DYNC2H1: variants seen among roughly 807,000 people sequenced by gnomAD.
The protein encoded by DYNC2H1 is dynein cytoplasmic 2 heavy chain 1.
A neutral mutation model predicts 570.0 loss-of-function variants in DYNC2H1; 410 were observed. The ratio of observed to expected loss-of-function variants is 0.72; its 90% CI spans 0.66 to 0.78. DYNC2H1 has a LOEUF of 0.78. Ranked by LOEUF, DYNC2H1 falls within the 30% of genes least tolerant of loss-of-function variation. DYNC2H1 has a pLI of 0.00. For missense variants in DYNC2H1, 4,865 were observed against 5,046.4 expected (o/e 0.96, Z 1.09); for synonymous variants, 1,688 against 1,677.6 (o/e 1.01, Z -0.15).
intron 79 of DYNC2H1, among the ~76,000 whole-genome samples, chr11:103,313,042 C>T (rs917727848): frequency 6.6e-6 from 1 of 152,194 alleles, no homozygotes; most frequent in Non-Finnish European, 1.5e-5. Flanking sequence ...ATTTGTCTTC[C>T]AACTGTTCTT....
At chr11:103,141,022 T>C (rs1341014914) in intron 17 of DYNC2H1, among the ~76,000 whole-genome samples, 2 of 152,232 alleles carry the variant, frequency 1.3e-5, no homozygotes, top group African/African-American at 2.4e-5. Context: ...TCTGCATTCT[T>C]CACGTAGTTC....
intron 70 of DYNC2H1, among the ~76,000 whole-genome samples, chr11:103,278,994 G>A (rs748729967): frequency 6.6e-5 from 10 of 152,230 alleles, no homozygotes; most frequent in Non-Finnish European, 1.3e-4. Context: ...GGAGAGTAGA[G>A]TTAGTATACT....
At chr11:103,297,186 CA>C (rs961047102) in intron 75 of DYNC2H1, among the ~76,000 whole-genome samples, 2 of 151,922 alleles carry the variant, frequency 1.3e-5, no homozygotes, top group African/African-American at 4.8e-5. Flanking sequence ...TTAAAAACAT[CA>C]AAAATAAATG....
chr11:103,328,036 A>G (rs1339731293), intron 82 of DYNC2H1, among the ~76,000 whole-genome samples: 1 of 152,184 alleles, frequency 6.6e-6, no homozygotes, highest in East Asian at 1.9e-4. Flanking sequence ...TCCTGATTCA[A>G]CCCAGACTTC....
intron 85 of DYNC2H1, among the ~76,000 whole-genome samples, chr11:103,442,867 C>G (rs1944311899): frequency 6.6e-6 from 1 of 151,868 alleles, no homozygotes; most frequent in Admixed American, 6.6e-5. Flanking sequence ...GTCCAGCAAA[C>G]AATTTTTCCC....
chr11:103,422,491 G>A (rs970991631), intron 84 of DYNC2H1, among the ~76,000 whole-genome samples: 28 of 151,956 alleles, frequency 1.8e-4, no homozygotes, highest in African/African-American at 4.1e-4. Flanking sequence ...CTTATCCACC[G>A]TGATCAAGTT....
In DYNC2H1 at chr11:103,160,942, T is replaced by G; in HGVS notation, c.4389T>G (p.Ser1463Arg). 1 of 1,550,434 alleles carries G rather than the reference T, an allele frequency of 6.4e-7. No individual in the cohort carries two copies. The highest frequency in any genetic ancestry group is 2.3e-5 in the East Asian group (1 of 43,054). The change falls in exon 29 of 89, where the codon AGT (serine) becomes AGG (arginine). Residue 1463 changes from serine to arginine, a missense_variant. Ser to Arg is a moderately radical substitution (Grantham distance 110). Coordinates refer to ENST00000375735, the MANE Select transcript of DYNC2H1 (RefSeq NM_001377.3). ...HLKKLFAGIN[S>R]VCFDEKSKHI... Reference sequence around the variant, plus strand: ...GCTTTTATATTTCAGGTATTAACAGTGTTTGCTTTGATGAGAAATCAAAAC... The same window carrying G: ...GCTTTTATATTTCAGGTATTAACAGGGTTTGCTTTGATGAGAAATCAAAAC...
intron 85 of DYNC2H1, among the ~76,000 whole-genome samples, chr11:103,448,759 T>C (rs1017664746): frequency 3.3e-5 from 5 of 152,190 alleles, no homozygotes; most frequent in Non-Finnish European, 5.9e-5. Flanking sequence ...TTAAGGTTAC[T>C]TAAAAACATG....
chr11:103,159,339 C>T (rs1860980651), intron 28 of DYNC2H1, among the ~76,000 whole-genome samples: 1 of 151,992 alleles, frequency 6.6e-6, no homozygotes, highest in African/African-American at 2.4e-5. Context: ...AATGTATAGG[C>T]CTTAGTTAGA....
At chr11:103,146,187 A>G (rs1178374037) in intron 18 of DYNC2H1, among the ~76,000 whole-genome samples, 4 of 152,222 alleles carry the variant, frequency 2.6e-5, no homozygotes, top group Admixed American at 1.3e-4. Flanking sequence ...AAAGAAAATT[A>G]TATTTTCAAA....
At position 103,245,357 on chromosome 11, in the gene DYNC2H1, G is replaced by A. The variant is rs755136217; in HGVS notation, c.10025G>A (p.Arg3342Gln). Residue 3342 changes from arginine (R) to glutamine (Q), a missense_variant, in exon 65 of 89, where the codon CGA becomes CAA. Physicochemically the swap from Arg to Gln is conservative, Grantham distance 43 (BLOSUM62 1). Coordinates refer to ENST00000375735, the MANE Select transcript of DYNC2H1 (RefSeq NM_001377.3). The surrounding 1 kb of genome is among the most constrained non-coding windows in gnomAD (Gnocchi z 4.5). Reference sequence around the variant, plus strand: ...CCTGTTCTTTATCCATTATTGAGACGAGATCTGGTTGCTCAAGGTAAATAA... The same window carrying A: ...CCTGTTCTTTATCCATTATTGAGACAAGATCTGGTTGCTCAAGGTAAATAA... ...VEPVLYPLLR[R>Q]DLVAQGPRYV... The A allele has an allele frequency of 1.1e-4, 179 of 1,585,942 alleles. No individual in the cohort carries two copies. Among genetic ancestry groups the A allele is most frequent in the Non-Finnish European group, 1.5e-4 (172 of 1,165,608 alleles).
At chr11:103,399,103 C>A (rs1161414906) in intron 83 of DYNC2H1, among the ~76,000 whole-genome samples, 3 of 150,342 alleles carry the variant, frequency 2.0e-5, no homozygotes, top group Non-Finnish European at 3.0e-5. Flanking sequence ...AATGTGGTTT[C>A]CCTTTCACTG....
At chr11:103,152,338 T>A in intron 21 of DYNC2H1, 53 bp downstream of exon 21, 1 of 1,496,204 alleles carries the variant, frequency 6.7e-7, no homozygotes, top group Non-Finnish European at 9.0e-7. Flanking sequence ...TTACTTAAGA[T>A]TTCTTGCTTA....
chr11:103,116,770 C>A, intron 5 of DYNC2H1, 56 bp downstream of exon 5: 1 of 1,496,206 alleles, frequency 6.7e-7, no homozygotes, highest in Middle Eastern at 1.9e-4. Context: ...ATTTTGTTAT[C>A]TTTTTATCCT....
chr11:103,120,862 T>A (rs1054885310), intron 8 of DYNC2H1, 60 bp downstream of exon 8: 134 of 1,131,392 alleles, frequency 1.2e-4, no homozygotes, highest in Non-Finnish European at 1.5e-4. Context: ...TATATAAAAA[T>A]ATATATATAT....
chr11:103,309,209 C>CTGT (rs1318688462), intron 78 of DYNC2H1, among the ~76,000 whole-genome samples: 1 of 63,598 alleles, frequency 1.6e-5, no homozygotes, highest in Non-Finnish European at 3.4e-5. Flanking sequence ...GGGTCTCGCT[C>CTGT]TGTTACCCAG....
In DYNC2H1 at chr11:103,159,099, T is replaced by C. The variant is rs113473879; in HGVS notation, c.4378+72T>C. On this transcript the variant is annotated intron_variant, in intron 28 of 88. Coordinates refer to ENST00000375735, the MANE Select transcript of DYNC2H1 (RefSeq NM_001377.3). ...TCTGCCAGGCCTAATATTATGCTCT[T>C]AGGTAGACTACTGAATACAGCAGTC... 3.1e-5 allele frequency: 37 copies of C among 1,182,998 alleles called. No homozygotes were observed. The African/African-American group carries it at 3.2e-4, about 10-fold the overall frequency. The allele number at this position is 1,182,998 out of a possible 1,614,324, so 73.3% of individuals were successfully genotyped here.
intron 29 of DYNC2H1, among the ~76,000 whole-genome samples, chr11:103,161,665 T>G (rs182526610): frequency 7.1e-4 from 108 of 152,282 alleles, no homozygotes; most frequent in Admixed American, 1.2e-3. Flanking sequence ...AAGTACACTA[T>G]TTAGTGCTTG....
chr11:103,207,717 T>C (rs1443431675), intron 52 of DYNC2H1, among the ~76,000 whole-genome samples: 1 of 152,012 alleles, frequency 6.6e-6, no homozygotes, highest in African/African-American at 2.4e-5. Context: ...TGGAGTTCAG[T>C]AGAGGCCAAA....
Sources: allele counts gnomAD v4.1 joint callset (sites outside exome capture counted in the v4.1 genomes callset), GRCh38; gene constraint gnomAD v4.1.1; non-coding constraint Gnocchi (gnomAD v3.1); transcripts MANE v1.5; gene names NCBI Gene and HGNC (gene_info 2026-07-23, HGNC 2026-07-21).